The following SMPD4 variants were observed in gnomAD, a reference collection of about 807,000 sequenced individuals.
SMPD4 encodes sphingomyelin phosphodiesterase 4.
A neutral mutation model predicts 97.8 loss-of-function variants in SMPD4; 58 were observed. The ratio of observed to expected loss-of-function variants is 0.59; its 90% CI spans 0.48 to 0.74. The LOEUF (loss-of-function observed/expected upper bound fraction) is 0.74. SMPD4 is among the 30% of genes least tolerant of loss of function. SMPD4 has a pLI of 0.00. For missense variants in SMPD4, 853 were observed against 1,080.5 expected, an observed-to-expected ratio of 0.79 and a Z score of 2.95; for synonymous variants, 388 against 450.0, an observed-to-expected ratio of 0.86 and a Z score of 1.74.
In SMPD4 at chr2:130,153,957, G is replaced by T. The variant is rs1183070725; in HGVS notation, c.1660-22C>A. ...GGACCTGCAAGGGAGGCGCGGGCAGGTCACCAGCAGGACAGGCCTGTGCTG... is the reference window on the plus strand; with the variant it reads ...GGACCTGCAAGGGAGGCGCGGGCAGTTCACCAGCAGGACAGGCCTGTGCTG... On this transcript the variant is annotated intron_variant, in intron 16 of 19. Transcript: ENST00000680298. The T allele has an allele frequency of 1.0e-5, 16 of 1,605,362 alleles. No individual in the cohort carries two copies. In the East Asian group the frequency reaches 3.6e-4, roughly 36 times the overall value.
intron 10 of SMPD4, among the ~76,000 whole-genome samples, chr2:130,163,379 C>G (rs1687615815): frequency 6.6e-6 from 1 of 152,246 alleles, no homozygotes; most frequent in African/African-American, 2.4e-5. Flanking sequence ...GGACCCTATG[C>G]TCTGAGAGAG....
Position 130,174,900 on chromosome 2 carries a change from T to G in SMPD4, c.126+14A>C, listed in dbSNP as rs539545425. ...TAAGACATGCTCCAAAGAGAGACGTTAGCAGAGCTATACCTTTGCTGGAAA... is the reference window on the plus strand; with the variant it reads ...TAAGACATGCTCCAAAGAGAGACGTGAGCAGAGCTATACCTTTGCTGGAAA... On this transcript the variant is annotated intron_variant, in intron 3 of 19. Coordinates refer to ENST00000680298, the MANE Select transcript of SMPD4 (RefSeq NM_017951.5). 1.9e-6 allele frequency: 3 copies of G among 1,556,976 alleles called. No homozygotes were observed. Among genetic ancestry groups the G allele is most frequent in the Non-Finnish European group, 2.7e-6 (3 of 1,129,368 alleles).
rs1252447301 is a variant in SMPD4, at chr2:130,152,634, A to G, written c.2405T>C (p.Leu802Pro). The G allele has an allele frequency of 6.4e-7, 1 of 1,558,802 alleles. No individual in the cohort carries two copies. Among genetic ancestry groups the G allele is most frequent in the Admixed American group, 1.9e-5 (1 of 51,728 alleles). ...GAGGACATAGCCCAGGGTGAGCAGC[A>G]GCGTGCATGGGAGGGGCCCGACGCA... ...LFCVGPLPCT[L>P]LLTLGYVLYA... Residue 802 changes from leucine to proline, a missense_variant, in exon 20 of 20, where the codon CTG becomes CCG. Physicochemically the swap from Leu to Pro is moderately conservative, Grantham distance 98. Coordinates refer to ENST00000680298, the MANE Select transcript of SMPD4 (RefSeq NM_017951.5).
chr2:130,155,196 G>A lies in SMPD4; in HGVS notation c.1353C>T (p.Arg451=), dbSNP rs200128006. The change falls in exon 15 of 20, where the codon CGC becomes CGT. Residue 451 remains arginine, a synonymous_variant. Transcript: ENST00000680298. ...GGCTGACCAGGTCTGTGCGGAGCGCGCGGTTCAGAAAGCCCACAAACAACT... is the reference window on the plus strand; with the variant it reads ...GGCTGACCAGGTCTGTGCGGAGCGCACGGTTCAGAAAGCCCACAAACAACT... ...YTKLFVGFLN[R]ALRTDLVSPK... The A allele has an allele frequency of 1.5e-5, 24 of 1,614,176 alleles. No homozygotes were observed. The highest frequency in any genetic ancestry group is 1.6e-4 in the Middle Eastern group (1 of 6,062).
At chr2:130,173,462 G>A in intron 4 of SMPD4, 52 bp downstream of exon 4, 1 of 1,587,086 alleles carries the variant, frequency 6.3e-7, no homozygotes, top group Non-Finnish European at 8.6e-7. Flanking sequence ...CTTTAAAGGT[G>A]GAATCACCAT....
rs187032003 is a variant in SMPD4, at chr2:130,155,685, G to C, written c.1289+350C>G. 4.2e-3 allele frequency among the ~76,000 whole-genome samples: 635 copies of C among 152,052 alleles called. 6 individuals are homozygous for C. Among genetic ancestry groups the C allele is most frequent in the Non-Finnish European group, 7.1e-3 (481 of 67,912 alleles). On this transcript the variant is annotated intron_variant, in intron 14 of 19. Coordinates refer to ENST00000680298, the MANE Select transcript of SMPD4 (RefSeq NM_017951.5). ...TCAAGCAGGGGATGAGGGGAAGACA[G>C]CCTCCCTCATCCCCTGCTTGATCAC...
chr2:130,164,155 A>G (rs941759849), intron 10 of SMPD4, among the ~76,000 whole-genome samples: 6 of 152,162 alleles, frequency 3.9e-5, no homozygotes, highest in Non-Finnish European at 8.8e-5. Context: ...CCAGACTTCC[A>G]GGCCTCAAGT....
At position 130,173,373 on chromosome 2, in the gene SMPD4, A is replaced by G. The variant is rs1688661265; in HGVS notation, c.270-19T>C. 2 of 1,609,030 alleles carry G rather than the reference A, an allele frequency of 1.2e-6. No individual in the cohort carries two copies. Among genetic ancestry groups the G allele is most frequent in the South Asian group, 2.2e-5 (2 of 89,974 alleles). ...TGGGCCACTGAACACGAAATTGAAC[A>G]AACAAACAAAAACAGGGCAAATGAA... On this transcript the variant is annotated intron_variant, in intron 4 of 19. Transcript: ENST00000680298.
At position 130,156,274 on chromosome 2, in the gene SMPD4, C is replaced by CCCT. The variant is rs1686792156; in HGVS notation, c.1189-142_1189-140dup. On this transcript the variant is annotated intron_variant, in intron 13 of 19. Transcript: ENST00000680298. ...GAGGGCGCAGGAGAGACATGCACAG[C>CCCT]CCTGTGAGGTTTGGCTCTTGCTGGC... is the stretch of plus-strand genomic sequence containing the variant. 2.3e-5 allele frequency: 18 copies of CCCT among 777,534 alleles called. No individual in the cohort carries two copies. In the South Asian group the frequency reaches 2.7e-4, roughly 12 times the overall value. 48.2% of individuals were successfully genotyped at this position (777,534 alleles called of 1,614,324 possible). A position where few individuals can be genotyped will look rare whatever the true frequency, so the allele number is the denominator to read the frequency against.
In SMPD4 at chr2:130,154,276, C is replaced by T. The variant is rs1363502583; in HGVS notation, c.1659+1G>A. On this transcript the variant is annotated splice_donor_variant, in intron 16 of 19. Transcript: ENST00000680298. LOFTEE classifies it high-confidence loss of function. ...AGGACAGGCACCGCCGAACCACTCA[C>T]CAGGGTGCGGGCCTCGGGCCCAAAC... The T allele has an allele frequency of 1.9e-6, 3 of 1,593,830 alleles. No individual in the cohort carries two copies. The highest frequency in any genetic ancestry group is 2.2e-4 in the Middle Eastern group (1 of 4,456).
intron 2 of SMPD4, among the ~76,000 whole-genome samples, chr2:130,176,064 C>A (rs1688951867): frequency 6.6e-6 from 1 of 151,896 alleles, no homozygotes; most frequent in Admixed American, 6.6e-5. Context: ...CTCAAGTAAT[C>A]CTCCTGCCTC....
At chr2:130,156,209 G>A in intron 13 of SMPD4, 74 bp from the exon 14 acceptor site, 5 of 1,325,364 alleles carry the variant, frequency 3.8e-6, no homozygotes, top group Admixed American at 3.8e-5. Flanking sequence ...CCAGATACCA[G>A]GCGGCAGCTG....
At chr2:130,176,751 G>A (rs943990516) in intron 1 of SMPD4, 114 bp from the exon 2 acceptor site, 10 of 790,346 alleles carry the variant, frequency 1.3e-5, no homozygotes, top group African/African-American at 5.2e-5. Context: ...GCAGCAGCAC[G>A]ATCATAGCTC....
At chr2:130,158,897 C>T (rs1328459720) in intron 11 of SMPD4, among the ~76,000 whole-genome samples, 2 of 152,188 alleles carry the variant, frequency 1.3e-5, no homozygotes, top group East Asian at 1.9e-4. Flanking sequence ...CTGCCCATAT[C>T]GCTACCCACT....
At position 130,156,288 on chromosome 2, in the gene SMPD4, G is replaced by GCT. The variant is rs200177861; in HGVS notation, c.1189-155_1189-154dup. On this transcript the variant is annotated intron_variant, in intron 13 of 19. Transcript: ENST00000680298. Reference sequence around the variant, plus strand: ...GACATGCACAGCCCTGTGAGGTTTGGCTCTTGCTGGCCCTCCAGAAGCCAG... The same window carrying GCT: ...GACATGCACAGCCCTGTGAGGTTTGGCTCTCTTGCTGGCCCTCCAGAAGCCAG... The GCT allele has an allele frequency of 9.4e-5, 68 of 724,306 alleles. 1 individual carries two copies. The highest frequency in any genetic ancestry group is 4.6e-4 in the African/African-American group (26 of 56,200). 44.9% of individuals were successfully genotyped at this position (724,306 alleles called of 1,614,324 possible).
intron 6 of SMPD4, 49 bp from the exon 7 acceptor site, chr2:130,172,726 C>A (rs182453489): frequency 5.0e-6 from 8 of 1,614,010 alleles, no homozygotes; most frequent in South Asian, 3.3e-5. Flanking sequence ...AGCCACCCCC[C>A]GCTCAGTGTC....
intron 10 of SMPD4, among the ~76,000 whole-genome samples, chr2:130,163,598 G>A (rs1386047571): frequency 1.3e-5 from 2 of 152,262 alleles, no homozygotes; most frequent in Non-Finnish European, 2.9e-5. Flanking sequence ...GACGCCATGG[G>A]CACCAGACTA....
chr2:130,153,268 G>A, intron 18 of SMPD4, 51 bp downstream of exon 18: 1 of 1,612,814 alleles, frequency 6.2e-7, no homozygotes, highest in Non-Finnish European at 8.5e-7. Flanking sequence ...GGAGGGAGCT[G>A]GGGACGGGTC....
chr2:130,152,307 C>T lies in SMPD4; in HGVS notation c.*248G>A, dbSNP rs1404313912. On this transcript the variant is annotated 3_prime_UTR_variant, in exon 20 of 20. Transcript: ENST00000680298. The stretch of plus-strand genomic sequence containing the variant: ...GTCCTTGGCGGAGGGAGGGAAAGGC[C>T]GCCGCTGAGCTCTGCGCTGTCACAG... 2 of 453,518 alleles carry T rather than the reference C, an allele frequency of 4.4e-6. No individual in the cohort carries two copies. Among genetic ancestry groups the T allele is most frequent in the East Asian group, 7.0e-5 (2 of 28,514 alleles). 28.1% of individuals were successfully genotyped at this position (453,518 alleles called of 1,614,324 possible).
Sources: gnomAD v4.1 joint callset for allele counts (sites outside exome capture counted in the v4.1 genomes callset) on GRCh38, gnomAD v4.1.1 for gene constraint, MANE v1.5 for transcripts, NCBI Gene and HGNC (gene_info 2026-07-23, HGNC 2026-07-21) for gene names.